The following ANKRD44 variants were observed in gnomAD, a reference collection of about 807,000 sequenced individuals.
ANKRD44 encodes serine/threonine-protein phosphatase 6 regulatory ankyrin repeat subunit B.
Under a neutral mutation model 116.0 loss-of-function variants are expected in ANKRD44, and 35 were observed. That is an observed-to-expected ratio of 0.30 (90% CI 0.23 to 0.40). The LOEUF is 0.40. Among genes scored for constraint, ANKRD44 ranks in the 10% least tolerant of loss-of-function variants. The pLI is 1.00. For synonymous variants in ANKRD44, 435 were observed against 461.8 expected (o/e 0.94, Z 0.74); for missense variants, 1,014 against 1,242.6 (o/e 0.82, Z 2.77).
chr2:197,215,007 A>G (rs2081413446), intron 1 of ANKRD44, among the ~76,000 whole-genome samples: 1 of 152,072 alleles, frequency 6.6e-6, no homozygotes, highest in African/African-American at 2.4e-5. Flanking sequence ...CCTCCCGAGT[A>G]GCTGGGATTA....
At chr2:197,123,893 T>C (rs1220970429) in intron 6 of ANKRD44, among the ~76,000 whole-genome samples, 2 of 152,242 alleles carry the variant, frequency 1.3e-5, no homozygotes, top group African/African-American at 4.8e-5. Context: ...TATCTTAAGC[T>C]ATTTGCCCTG....
At chr2:197,065,330 A>G (rs945561831) in intron 16 of ANKRD44, among the ~76,000 whole-genome samples, 5 of 152,228 alleles carry the variant, frequency 3.3e-5, no homozygotes, top group Admixed American at 1.3e-4. Flanking sequence ...TTATAGCACT[A>G]AATACCCACA....
chr2:197,275,745 T>TG (rs2083061475), intron 1 of ANKRD44, among the ~76,000 whole-genome samples: 1 of 151,108 alleles, frequency 6.6e-6, no homozygotes, highest in South Asian at 2.1e-4. Flanking sequence ...TGCTGGCATA[T>TG]GGGGGGTGGG....
intron 9 of ANKRD44, among the ~76,000 whole-genome samples, chr2:197,103,592 T>C (rs1469789817): frequency 6.6e-6 from 1 of 152,214 alleles, no homozygotes; most frequent in Admixed American, 6.5e-5. Flanking sequence ...CTAAACCATA[T>C]ACATACCTAT....
chr2:197,269,168 T>C (rs534037218), intron 1 of ANKRD44, among the ~76,000 whole-genome samples: 2 of 152,340 alleles, frequency 1.3e-5, no homozygotes, highest in South Asian at 4.1e-4. Context: ...TCCACATGTA[T>C]AGTATGCTTC....
intron 9 of ANKRD44, among the ~76,000 whole-genome samples, chr2:197,100,804 TTAA>T (rs1224497019): frequency 6.6e-6 from 1 of 152,232 alleles, no homozygotes; most frequent in African/African-American, 2.4e-5. Flanking sequence ...CATACTTCTT[TTAA>T]TAATATAGTA....
chr2:197,179,821 A>T (rs985244405), intron 2 of ANKRD44, among the ~76,000 whole-genome samples: 4 of 152,206 alleles, frequency 2.6e-5, no homozygotes, highest in Admixed American at 2.0e-4. Context: ...CCGTGAAGCC[A>T]CATCTTTGAA....
chr2:197,278,976 T>G lies in ANKRD44; in HGVS notation c.27+31602A>C, dbSNP rs79379394. Among the ~76,000 whole-genome samples, 432 of 152,280 alleles carry G rather than the reference T, an allele frequency of 2.8e-3. 2 individuals are homozygous for G. The highest frequency in any genetic ancestry group is 0.01 in the African/African-American group (416 of 41,552). On this transcript the variant is annotated intron_variant, in intron 1 of 27. Coordinates refer to ENST00000282272, the MANE Select transcript of ANKRD44 (RefSeq NM_001195144.2). ...TTTTGTGCAGTCAGCAGTTCTCCAG[T>G]TTTTCCACATCCTTTCAAAGGTTGG...
chr2:197,157,364 A>T (rs1160473162), intron 2 of ANKRD44, among the ~76,000 whole-genome samples: 3 of 152,172 alleles, frequency 2.0e-5, no homozygotes. Flanking sequence ...TTGGCTTAAA[A>T]TCTACAGGCT....
intron 1 of ANKRD44, among the ~76,000 whole-genome samples, chr2:197,231,307 A>G (rs2081856871): frequency 6.6e-6 from 1 of 152,130 alleles, no homozygotes; most frequent in Non-Finnish European, 1.5e-5. Flanking sequence ...GTGTGTATCT[A>G]TAGTGCCAGC....
intron 2 of ANKRD44, among the ~76,000 whole-genome samples, chr2:197,164,295 C>T (rs1457986931): frequency 1.3e-5 from 2 of 152,164 alleles, no homozygotes; most frequent in African/African-American, 2.4e-5. Flanking sequence ...TTGGTGCCTG[C>T]GGTTCTTGAC....
At chr2:197,299,455 G>A (rs1016992989) in intron 1 of ANKRD44, 5 of 152,172 alleles carry the variant, frequency 3.3e-5, no homozygotes, top group African/African-American at 1.2e-4. Flanking sequence ...TCAATGAGTG[G>A]ATAAAGAAAG....
intron 25 of ANKRD44, among the ~76,000 whole-genome samples, chr2:196,997,882 CTATT>C (rs140604755): frequency 0.065 from 9,835 of 152,058 alleles, 1,001 homozygotes; most frequent in African/African-American, 0.22. Flanking sequence ...ACACATATAT[CTATT>C]TATTTGCTTC....
At chr2:197,175,986 G>A (rs1039084204) in intron 2 of ANKRD44, among the ~76,000 whole-genome samples, 3 of 152,124 alleles carry the variant, frequency 2.0e-5, no homozygotes, top group Non-Finnish European at 4.4e-5. Flanking sequence ...ATAAGCAATT[G>A]TGTCCTTAGT....
intron 16 of ANKRD44, among the ~76,000 whole-genome samples, chr2:197,060,905 G>A (rs2077298277): frequency 6.6e-6 from 1 of 152,154 alleles, no homozygotes; most frequent in Non-Finnish European, 1.5e-5. Flanking sequence ...GTGTCTCTGT[G>A]TGTGTACCGC....
intron 2 of ANKRD44, among the ~76,000 whole-genome samples, chr2:197,154,525 T>A (rs2079757809): frequency 6.6e-6 from 1 of 152,108 alleles, no homozygotes; most frequent in Non-Finnish European, 1.5e-5. Context: ...CCTGACATGG[T>A]ACATTCTGGT....
chr2:197,159,106 C>T (rs184730762), intron 2 of ANKRD44, among the ~76,000 whole-genome samples: 5 of 152,198 alleles, frequency 3.3e-5, no homozygotes, highest in Non-Finnish European at 5.9e-5. Context: ...ATAACAATAA[C>T]TCCTAGCTAT....
chr2:197,174,467 T>C (rs147461561), intron 2 of ANKRD44, among the ~76,000 whole-genome samples: 1 of 152,366 alleles, frequency 6.6e-6, no homozygotes, highest in Non-Finnish European at 1.5e-5. Context: ...TTACAGACCA[T>C]ACAAACTGTT....
At chr2:197,034,714 C>T (rs893270908) in intron 16 of ANKRD44, among the ~76,000 whole-genome samples, 1 of 151,940 alleles carries the variant, frequency 6.6e-6, no homozygotes, top group African/African-American at 2.4e-5. Context: ...ATAGCCTCCA[C>T]CAACCACCAT....
Sources: allele counts gnomAD v4.1 joint callset (sites outside exome capture counted in the v4.1 genomes callset), GRCh38; gene constraint gnomAD v4.1.1; transcripts MANE v1.5; gene names NCBI Gene and HGNC (gene_info 2026-07-23, HGNC 2026-07-21).